The following LNPEP variants were observed in gnomAD, a reference collection of about 807,000 sequenced individuals.
LNPEP encodes the protein leucyl-cystinyl aminopeptidase.
Under a neutral mutation model 120.6 loss-of-function variants are expected in LNPEP, and 64 were observed. The observed-to-expected ratio is 0.53, with a 90% CI of 0.43 to 0.65. The LOEUF (loss-of-function observed/expected upper bound fraction) is 0.65, where lower values mean the gene tolerates loss of function less well. Ranked by LOEUF, LNPEP falls within the 30% of genes least tolerant of loss-of-function variation. The pLI is 0.00. For synonymous variants in LNPEP, 435 were observed against 425.4 expected, an observed-to-expected ratio of 1.02 and a Z score of -0.28; for missense variants, 1,057 against 1,200.0, an observed-to-expected ratio of 0.88 and a Z score of 1.76.
chr5:96,954,695 CATATATACAT>C (rs1731790016), intron 1 of LNPEP, among the ~76,000 whole-genome samples: 1 of 47,074 alleles, frequency 2.1e-5, no homozygotes, highest in Non-Finnish European at 4.7e-5. Context: ...CATATATACA[CATATATACAT>C]ATATACACAT....
Position 97,024,597 on chromosome 5 carries a change from A to G in LNPEP, c.2638A>G (p.Lys880Glu). ...TDKGWSFLLG[K>E]YISIGSEAEK... ...CAAAGGCTGGTCATTCCTTTTGGGC[A>G]AATACATTTCTATAGGCTCTGAAGC... is the stretch of plus-strand genomic sequence containing the variant. Residue 880 changes from lysine (K) to glutamate (E), a missense_variant, in exon 15 of 18, where the codon AAA becomes GAA. Lys to Glu is a moderately conservative substitution (Grantham distance 56, BLOSUM62 1). Transcript: ENST00000231368. The G allele has an allele frequency of 1.2e-6, 2 of 1,614,148 alleles. No individual in the cohort carries two copies. Among genetic ancestry groups the G allele is most frequent in the Non-Finnish European group, 1.7e-6 (2 of 1,179,972 alleles).
intron 15 of LNPEP, 108 bp from the exon 16 acceptor site, chr5:97,026,509 A>T: frequency 1.2e-6 from 1 of 820,376 alleles, no homozygotes. Context: ...TTATTTCTCA[A>T]TTTGCTACAC....
intron 15 of LNPEP, 138 bp from the exon 16 acceptor site, chr5:97,026,479 A>G: frequency 1.6e-6 from 1 of 631,394 alleles, no homozygotes; most frequent in Non-Finnish European, 2.7e-6. Context: ...CTATAGATCA[A>G]CCGTAGACTA....
Position 96,941,019 on chromosome 5 carries a change from G to A in LNPEP, c.19+4845G>A, listed in dbSNP as rs369949520. Among the ~76,000 whole-genome samples, 4 of 152,182 alleles carry A rather than the reference G, an allele frequency of 2.6e-5. No individual in the cohort carries two copies. In the East Asian group the frequency reaches 5.8e-4, roughly 22 times the overall value. On this transcript the variant is annotated intron_variant, in intron 1 of 17. Coordinates refer to ENST00000231368, the MANE Select transcript of LNPEP (RefSeq NM_005575.3). Reference sequence around the variant, plus strand: ...TTATTATTGCATTGTAATATACAATGAAATAATTATACAACTCACCATAAT... The same window carrying A: ...TTATTATTGCATTGTAATATACAATAAAATAATTATACAACTCACCATAAT...
Position 97,028,537 on chromosome 5 carries a change from G to A in LNPEP, c.*4G>A, listed in dbSNP as rs181617065. On this transcript the variant is annotated 3_prime_UTR_variant, in exon 18 of 18. Transcript: ENST00000231368. ...AAGTCTCACATGGTGGCTGTAGCAT[G>A]CACAACCGCACCTCATTTTGTTGCC... is the stretch of plus-strand genomic sequence containing the variant. 31 of 1,612,830 alleles carry A rather than the reference G, an allele frequency of 1.9e-5. No homozygotes were observed. Among genetic ancestry groups the A allele is most frequent in the Non-Finnish European group, 2.3e-5 (27 of 1,179,294 alleles).
rs781727347 is a variant in LNPEP, at chr5:97,008,337, G to GTTTTTTTTTT, written c.2035+1844_2035+1853dup. On this transcript the variant is annotated intron_variant, in intron 11 of 17. Coordinates refer to ENST00000231368, the MANE Select transcript of LNPEP (RefSeq NM_005575.3). ...TTGATTTTTTTGTTTGTTTTTTCTTGTTTTTTTTTTTTTTTTTTTTTTTTT... is the reference window on the plus strand; with the variant it reads ...TTGATTTTTTTGTTTGTTTTTTCTTGTTTTTTTTTTTTTTTTTTTTTTTTTTTTTTTTTTT... Among the ~76,000 whole-genome samples, 523 of 59,862 alleles carry GTTTTTTTTTT rather than the reference G, an allele frequency of 8.7e-3. 48 individuals carry two copies. Among genetic ancestry groups the GTTTTTTTTTT allele is most frequent in the Middle Eastern group, 0.015 (1 of 66 alleles). 39.3% of individuals were successfully genotyped at this position (59,862 alleles called of 152,430 possible). A position where few individuals can be genotyped will look rare whatever the true frequency, so the allele number is the denominator to read the frequency against.
chr5:96,982,808 C>A (rs1383077263), intron 2 of LNPEP, among the ~76,000 whole-genome samples: 1 of 151,858 alleles, frequency 6.6e-6, no homozygotes, highest in African/African-American at 2.4e-5. Context: ...CAAAAGAATA[C>A]AAAACAAAAA....
At chr5:97,017,894 C>G (rs1046503667) in intron 13 of LNPEP, among the ~76,000 whole-genome samples, 8 of 152,262 alleles carry the variant, frequency 5.3e-5, no homozygotes, top group African/African-American at 1.9e-4. Context: ...CCTCTCCTAA[C>G]TTCAAGTGAT....
chr5:97,003,517 A>C lies in LNPEP; in HGVS notation c.1756A>C (p.Ser586Arg). 6.2e-7 allele frequency: 1 copy of C among 1,605,676 alleles called. No homozygotes were observed. Among genetic ancestry groups the C allele is most frequent in the South Asian group, 1.1e-5 (1 of 89,474 alleles). ...LHNHSYASIQ[S>R]DDLWDSFNEV... ...TAATCACAGCTATGCATCTATTCAA[A>C]GTGATGATCTGTGGGATAGTTTTAA... The change falls in exon 9 of 18, where the codon AGT becomes CGT. Residue 586 changes from serine to arginine, a missense_variant. Ser to Arg is a moderately radical substitution (Grantham distance 110, BLOSUM62 -1). Coordinates refer to ENST00000231368, the MANE Select transcript of LNPEP (RefSeq NM_005575.3).
chr5:97,009,953 A>C (rs1397109226), intron 11 of LNPEP, among the ~76,000 whole-genome samples: 1 of 151,686 alleles, frequency 6.6e-6, no homozygotes, highest in Non-Finnish European at 1.5e-5. Context: ...TCTTTAATAT[A>C]TTTTCTTTCT....
chr5:97,014,607 A>ATATAAC, intron 12 of LNPEP, among the ~76,000 whole-genome samples: 1 of 152,280 alleles, frequency 6.6e-6, no homozygotes, highest in East Asian at 1.9e-4. Flanking sequence ...TTCCTGGCAA[A>ATATAAC]TATAACTAAT....
At chr5:96,941,161 A>T (rs1789042920) in intron 1 of LNPEP, among the ~76,000 whole-genome samples, 1 of 152,196 alleles carries the variant, frequency 6.6e-6, no homozygotes, top group Admixed American at 6.5e-5. Context: ...CACAACCTAG[A>T]TCCCTCACAT....
chr5:96,956,236 G>A (rs1232542695), intron 1 of LNPEP, among the ~76,000 whole-genome samples: 1 of 152,202 alleles, frequency 6.6e-6, no homozygotes, highest in Non-Finnish European at 1.5e-5. Context: ...GTATCTAATA[G>A]TTCTCTCTAT....
intron 1 of LNPEP, chr5:96,937,559 G>A (rs1030099046): frequency 2.0e-5 from 3 of 152,102 alleles, no homozygotes; most frequent in Non-Finnish European, 4.4e-5. Context: ...TTTAATACAA[G>A]TCGTTAAGTC....
rs942101289 is a variant in LNPEP at position 97,036,961 on chromosome 5, A to T, written c.*8428A>T. 3.3e-5 allele frequency: 5 copies of T among 152,174 alleles called. No individual in the cohort carries two copies. Among genetic ancestry groups the T allele is most frequent in the Non-Finnish European group, 1.5e-5 (1 of 68,016 alleles). The allele number at this position is 152,174 out of a possible 1,614,324, so 9.4% of individuals were successfully genotyped here. ...ATTTAAAATACTTCAAAGGAAGTAA[A>T]GGTCATGGCTTAGCTGAAGGAAATG... On this transcript the variant is annotated 3_prime_UTR_variant, in exon 18 of 18. Transcript: ENST00000231368.
chr5:97,022,179 C>T, intron 13 of LNPEP, 121 bp from the exon 14 acceptor site: 1 of 634,422 alleles, frequency 1.6e-6, no homozygotes, highest in South Asian at 2.0e-5. Context: ...TCTGCCCGCC[C>T]CAGCTTCCCA....
In LNPEP at chr5:96,985,222, C is replaced by G. The variant is rs371487752; in HGVS notation, c.999+4C>G. ...CGCTTTATCAAATATGCCTAAGGTACTGTTCTGTTCCTTGAATGTAAAAAT... is the reference window on the plus strand; with the variant it reads ...CGCTTTATCAAATATGCCTAAGGTAGTGTTCTGTTCCTTGAATGTAAAAAT... On this transcript the variant is annotated splice_donor_region_variant and intron_variant, in intron 3 of 17. Coordinates refer to ENST00000231368, the MANE Select transcript of LNPEP (RefSeq NM_005575.3). The G allele has an allele frequency of 4.4e-6, 7 of 1,598,830 alleles. No individual in the cohort carries two copies. In the African/African-American group the frequency reaches 9.4e-5, roughly 22 times the overall value.
intron 13 of LNPEP, among the ~76,000 whole-genome samples, chr5:97,021,923 G>GTTT (rs1165456605): frequency 1.6e-4 from 9 of 57,170 alleles, no homozygotes; most frequent in South Asian, 8.0e-4. Context: ...TTTGTCTTTT[G>GTTT]TTTTTTTTTT....
rs78861614 is a variant in LNPEP at position 96,961,355 on chromosome 5, A to G, written c.20-17783A>G. Among the ~76,000 whole-genome samples the G allele has an allele frequency of 5.6e-3, 848 of 152,268 alleles. 6 individuals carry two copies. Among genetic ancestry groups the G allele is most frequent in the Non-Finnish European group, 9.0e-3 (614 of 68,012 alleles). On this transcript the variant is annotated intron_variant, in intron 1 of 17. Coordinates refer to ENST00000231368, the MANE Select transcript of LNPEP (RefSeq NM_005575.3). ...TAAACTCACTTATTGTTTCACTTCT[A>G]TCTTCCTCTAGAGAAGTTAAAATTT...
Sources: gnomAD v4.1 joint callset for allele counts (sites outside exome capture counted in the v4.1 genomes callset) on GRCh38, gnomAD v4.1.1 for gene constraint, MANE v1.5 for transcripts, NCBI Gene and HGNC (gene_info 2026-07-23, HGNC 2026-07-21) for gene names.